SLC14A2: variants seen among roughly 807,000 people sequenced by gnomAD.
SLC14A2 encodes the protein urea transporter 2.
In SLC14A2, 91 loss-of-function variants were observed where a neutral mutation model predicts 104.6. The observed-to-expected ratio is 0.87, with a 90% CI of 0.73 to 1.04. The LOEUF (loss-of-function observed/expected upper bound fraction) is 1.04, where lower values mean the gene tolerates loss of function less well. Among genes scored for constraint, SLC14A2 ranks in the 50% least tolerant of loss-of-function variants. SLC14A2 has a pLI of 0.00. For synonymous variants in SLC14A2, 476 were observed against 466.4 expected (o/e 1.02, Z -0.27); for missense variants, 1,189 against 1,156.0 (o/e 1.03, Z -0.41).
At chr18:45,469,525 T>A (rs754202080) in intron 1 of SLC14A2, among the ~76,000 whole-genome samples, 2 of 152,150 alleles carry the variant, frequency 1.3e-5, no homozygotes, top group African/African-American at 2.4e-5. Flanking sequence ...TGTACCTAAT[T>A]ACGTGTGGGG....
Position 45,338,939 on chromosome 18 carries a change from CT to C in SLC14A2, c.-125+125760del, listed in dbSNP as rs200884936. Among the ~76,000 whole-genome samples the C allele has an allele frequency of 2.4e-3, 354 of 145,684 alleles. 2 individuals are homozygous for C. Among genetic ancestry groups the C allele is most frequent in the South Asian group, 7.0e-3 (32 of 4,582 alleles). ...AATTGCTCTCACTAGATTCTTATACCTTTTTTTTTTTTCTTGAGATAGAGTC... is the reference window on the plus strand; with the variant it reads ...AATTGCTCTCACTAGATTCTTATACCTTTTTTTTTTTCTTGAGATAGAGTC... On this transcript the variant is annotated intron_variant, in intron 1 of 20. Coordinates refer to the SLC14A2 transcript ENST00000586448.
chr18:45,523,312 C>T (rs1415796649), intron 2 of SLC14A2, among the ~76,000 whole-genome samples: 1 of 151,724 alleles, frequency 6.6e-6, no homozygotes, highest in Non-Finnish European at 1.5e-5. Context: ...ACTCCCATCA[C>T]CAGGTTTTTT....
intron 1 of SLC14A2, among the ~76,000 whole-genome samples, chr18:45,616,153 A>G (rs1374012432): frequency 1.3e-5 from 2 of 152,208 alleles, no homozygotes; most frequent in East Asian, 1.9e-4. Context: ...GATTGAGAAC[A>G]GTTGCTATCT....
At chr18:45,629,827 A>G (rs557324524) in intron 4 of SLC14A2, among the ~76,000 whole-genome samples, 1 of 152,322 alleles carries the variant, frequency 6.6e-6, no homozygotes, top group Non-Finnish European at 1.5e-5. Context: ...ATAAAAACCC[A>G]GTCCCTCAGC....
Position 45,452,111 on chromosome 18 carries a change from C to T in SLC14A2, c.-124-31122C>T, listed in dbSNP as rs142252078. 5.3e-5 allele frequency among the ~76,000 whole-genome samples: 8 copies of T among 152,214 alleles called. No individual in the cohort carries two copies. The East Asian group carries it at 1.4e-3, about 26-fold the overall frequency. On this transcript the variant is annotated intron_variant, in intron 1 of 20. Transcript: ENST00000586448. Reference sequence around the variant, plus strand: ...TCACATGTCCCTTTGACAGAGGACACGATGTGTGTGTAAGAGACACTCTCA... The same window carrying T: ...TCACATGTCCCTTTGACAGAGGACATGATGTGTGTGTAAGAGACACTCTCA...
In SLC14A2 at chr18:45,236,994, G is replaced by A. The variant is rs533517264; in HGVS notation, c.-125+23803G>A. Among the ~76,000 whole-genome samples, 3 of 152,138 alleles carry A rather than the reference G, an allele frequency of 2.0e-5. No individual in the cohort carries two copies. In the South Asian group the frequency reaches 6.2e-4, roughly 31 times the overall value. The stretch of plus-strand genomic sequence containing the variant: ...GGAGAGCCCAGAACTTGTGCTGCTA[G>A]GCATATGAGTGTAACCACTGACAAC... On this transcript the variant is annotated intron_variant, in intron 1 of 20. Transcript: ENST00000586448.
intron 2 of SLC14A2, among the ~76,000 whole-genome samples, chr18:45,596,633 T>C (rs2044721669): frequency 6.6e-6 from 1 of 152,240 alleles, no homozygotes; most frequent in South Asian, 2.1e-4. Flanking sequence ...GGGCAAAAGC[T>C]GAAGCTATTG....
intron 2 of SLC14A2, among the ~76,000 whole-genome samples, chr18:45,567,218 A>G (rs1194312832): frequency 2.6e-5 from 4 of 152,138 alleles, no homozygotes; most frequent in Non-Finnish European, 4.4e-5. Context: ...CCTGTAGGGA[A>G]GGCCAACGCC....
At chr18:45,492,806 C>CA (rs2043025126) in intron 2 of SLC14A2, among the ~76,000 whole-genome samples, 1 of 151,946 alleles carries the variant, frequency 6.6e-6, no homozygotes, top group African/African-American at 2.4e-5. Flanking sequence ...CCTGTCCATG[C>CA]AAAAAAGAGG....
At chr18:45,230,003 T>C (rs1384158238) in intron 1 of SLC14A2, among the ~76,000 whole-genome samples, 4 of 152,172 alleles carry the variant, frequency 2.6e-5, no homozygotes, top group African/African-American at 9.7e-5. Context: ...ATAAAACATA[T>C]CTCAAACATT....
intron 1 of SLC14A2, among the ~76,000 whole-genome samples, chr18:45,334,272 TG>T (rs1345081059): frequency 2.4e-4 from 36 of 152,220 alleles, no homozygotes; most frequent in African/African-American, 8.0e-4. Flanking sequence ...GTCTATTGAA[TG>T]AGAATTTCCT....
At position 45,473,404 on chromosome 18, in the gene SLC14A2, T is replaced by C. The variant is rs189096427; in HGVS notation, c.-124-9829T>C. 5.3e-5 allele frequency among the ~76,000 whole-genome samples: 8 copies of C among 152,372 alleles called. No individual in the cohort carries two copies. In the East Asian group the frequency reaches 1.5e-3, roughly 29 times the overall value. ...TGAAATTTAAAGTAGTTTTTTCTAA[T>C]TATGAGAAGAAAGCCAATGGTAGCT... On this transcript the variant is annotated intron_variant, in intron 1 of 20. Transcript: ENST00000586448.
rs114177566 is a variant in SLC14A2, at chr18:45,608,594, C to T, written c.-34-16037C>T. On this transcript the variant is annotated intron_variant, in intron 2 of 20. Coordinates refer to the SLC14A2 transcript ENST00000586448. Reference sequence around the variant, plus strand: ...TTTCACAACAAGCTCAATTTACTTTCCAGTGATGTCCAGACAAATTCCATC... The same window carrying T: ...TTTCACAACAAGCTCAATTTACTTTTCAGTGATGTCCAGACAAATTCCATC... 2.0e-3 allele frequency among the ~76,000 whole-genome samples: 304 copies of T among 152,350 alleles called. 1 individual carries two copies. Among genetic ancestry groups the T allele is most frequent in the African/African-American group, 6.9e-3 (288 of 41,592 alleles).
At chr18:45,283,171 C>G (rs1006670631) in intron 1 of SLC14A2, among the ~76,000 whole-genome samples, 1 of 151,982 alleles carries the variant, frequency 6.6e-6, no homozygotes, top group Non-Finnish European at 1.5e-5. Context: ...AATACCCGCT[C>G]TAAGGAAAAT....
intron 5 of SLC14A2, among the ~76,000 whole-genome samples, chr18:45,633,555 T>C (rs907977984): frequency 4.6e-5 from 7 of 152,214 alleles, no homozygotes; most frequent in Non-Finnish European, 8.8e-5. Context: ...CTATCAAGCA[T>C]CTTGGGGTCT....
chr18:45,527,209 A>C (rs1450207409), intron 2 of SLC14A2, among the ~76,000 whole-genome samples: 1 of 152,154 alleles, frequency 6.6e-6, no homozygotes, highest in East Asian at 1.9e-4. Context: ...TCTGATGAGA[A>C]GCGTTGGGAT....
chr18:45,250,755 C>CTTTTTTTTTTTTTTTTTTTTTTTTTTTTT (rs67864793), intron 1 of SLC14A2, among the ~76,000 whole-genome samples: 6 of 93,890 alleles, frequency 6.4e-5, no homozygotes, highest in East Asian at 2.7e-4. Context: ...TGGCTTCTTC[C>CTTTTTTTTTTTTTTTTTTTTTTTTTTTTT]TTTTTTTTTT....
chr18:45,271,702 A>G (rs150322971), intron 1 of SLC14A2, among the ~76,000 whole-genome samples: 4 of 152,162 alleles, frequency 2.6e-5, no homozygotes, highest in African/African-American at 9.6e-5. Context: ...AAGAATCAAT[A>G]TTGTTAAAAT....
chr18:45,430,840 C>T, intron 1 of SLC14A2, among the ~76,000 whole-genome samples: 1 of 152,124 alleles, frequency 6.6e-6, no homozygotes, highest in East Asian at 1.9e-4. Flanking sequence ...AGGGAGTCTG[C>T]TCACTTCCCA....
Sources: allele counts gnomAD v4.1 joint callset (sites outside exome capture counted in the v4.1 genomes callset), GRCh38; gene constraint gnomAD v4.1.1; transcripts MANE v1.5; gene names NCBI Gene and HGNC (gene_info 2026-07-23, HGNC 2026-07-21).